The following CREBBP variants were observed in gnomAD, a reference collection of about 807,000 sequenced individuals.
CREBBP encodes the protein CREB-binding protein.
In CREBBP, 19 loss-of-function variants were observed where a neutral mutation model predicts 265.0. The observed-to-expected ratio is 0.07, with a 90% CI of 0.05 to 0.11. The LOEUF (loss-of-function observed/expected upper bound fraction) is 0.11. CREBBP is among the 10% of genes least tolerant of loss of function. CREBBP has a pLI of 1.00. For synonymous variants in CREBBP, 1,457 were observed against 1,223.7 expected, an observed-to-expected ratio of 1.19 and a Z score of -3.98; for missense variants, 2,525 against 3,219.0, an observed-to-expected ratio of 0.78 and a Z score of 5.22.
intron 2 of CREBBP, among the ~76,000 whole-genome samples, chr16:3,811,986 T>A (rs570872030): frequency 1.3e-5 from 2 of 152,212 alleles, no homozygotes; most frequent in Non-Finnish European, 2.9e-5. Context: ...GATTTTCGAC[T>A]GGCAGGGTCA....
At chr16:3,878,287 C>T (rs767585397) in intron 1 of CREBBP, among the ~76,000 whole-genome samples, 2 of 152,194 alleles carry the variant, frequency 1.3e-5, no homozygotes, top group Non-Finnish European at 2.9e-5. Flanking sequence ...TGCAGTACAA[C>T]GGCATTTAAA....
Position 3,731,375 on chromosome 16 carries a change from C to A in CREBBP, c.4989G>T (p.Gly1663=). The A allele has an allele frequency of 6.2e-7, 1 of 1,612,616 alleles. No individual in the cohort carries two copies. Among genetic ancestry groups the A allele is most frequent in the Non-Finnish European group, 8.5e-7 (1 of 1,179,468 alleles). ...DPLLSCDLMD[G]RDAFLTLARD... ...TGGCGAGGGTGAGGAAGGCGTCGCG[C>A]CCATCCATGAGGTCACAGCTGAGCA... is the stretch of plus-strand genomic sequence containing the variant. The change falls in exon 30 of 31, where the codon GGG becomes GGT. Residue 1663 remains glycine, a synonymous_variant. Transcript: ENST00000262367. The surrounding 1 kb of genome is among the most constrained non-coding windows in gnomAD (Gnocchi z 7.7).
At chr16:3,802,293 G>A (rs914730037) in intron 3 of CREBBP, among the ~76,000 whole-genome samples, 23 of 151,510 alleles carry the variant, frequency 1.5e-4, no homozygotes, top group African/African-American at 4.1e-4. Flanking sequence ...CACCACACCT[G>A]ACTAATTTTT....
In CREBBP at chr16:3,733,258, A is replaced by G. The variant is rs891457178; in HGVS notation, c.4729-1321T>C. 1.6e-3 allele frequency among the ~76,000 whole-genome samples: 238 copies of G among 150,962 alleles called. 2 individuals carry two copies. Among genetic ancestry groups the G allele is most frequent in the African/African-American group, 5.6e-3 (231 of 41,038 alleles). ...GTGCCTGCAGTCCCACCTACTCGGG[A>G]GGCTGAGGCAGGAGAATGGTGTGAA... On this transcript the variant is annotated intron_variant, in intron 28 of 30. Coordinates refer to ENST00000262367, the MANE Select transcript of CREBBP (RefSeq NM_004380.3).
chr16:3,736,626 C>T (rs1283372100), intron 27 of CREBBP, 24 bp downstream of exon 27: 1 of 1,614,244 alleles, frequency 6.2e-7, no homozygotes, highest in East Asian at 2.2e-5. Context: ...ACAAAAGCCA[C>T]CACCTTCCTT....
intron 15 of CREBBP, among the ~76,000 whole-genome samples, chr16:3,768,133 A>AGT (rs1356875998): frequency 1.5e-4 from 13 of 87,530 alleles, no homozygotes; most frequent in African/African-American, 4.5e-4. Flanking sequence ...TAAATTTAAA[A>AGT]GTGTTTTTTT....
chr16:3,861,823 C>G (rs1215943113), intron 1 of CREBBP, among the ~76,000 whole-genome samples: 1 of 151,328 alleles, frequency 6.6e-6, no homozygotes. Flanking sequence ...TAAAATCTTC[C>G]GTAATTCAGG....
chr16:3,764,330 G>A (rs139821532), intron 16 of CREBBP, among the ~76,000 whole-genome samples: 2 of 152,014 alleles, frequency 1.3e-5, no homozygotes, highest in Admixed American at 6.6e-5. Flanking sequence ...AGGCTAGAAC[G>A]CACTGGCACA....
intron 1 of CREBBP, among the ~76,000 whole-genome samples, chr16:3,852,157 G>GTTTTTTTT (rs910861282): frequency 7.9e-5 from 4 of 50,880 alleles, no homozygotes; most frequent in Admixed American, 2.6e-4. Context: ...TCTTAAATTT[G>GTTTTTTTT]TTTTTTTTTT....
intron 16 of CREBBP, among the ~76,000 whole-genome samples, chr16:3,762,764 G>A (rs192446785): frequency 2.0e-5 from 3 of 151,804 alleles, no homozygotes; most frequent in Non-Finnish European, 4.4e-5. Flanking sequence ...TCAGTTCCTC[G>A]GTCACCCTGG....
chr16:3,767,967 C>T (rs2141184547), intron 15 of CREBBP, 58 bp from the exon 16 acceptor site: 1 of 1,533,996 alleles, frequency 6.5e-7, no homozygotes. Context: ...GTTACCGCAA[C>T]CTCACGGGAA....
rs2151317226 is a variant in CREBBP at position 3,731,410 on chromosome 16, G to T, written c.4954C>A (p.Pro1652Thr). 9 of 1,606,804 alleles carry T rather than the reference G, an allele frequency of 5.6e-6. No homozygotes were observed. Among genetic ancestry groups the T allele is most frequent in the Non-Finnish European group, 7.6e-6 (9 of 1,177,180 alleles). Residue 1652 changes from proline (P) to threonine (T), a missense_variant, in exon 30 of 31, where the codon CCC becomes ACC. Physicochemically the swap from Pro to Thr is conservative, Grantham distance 38. Coordinates refer to ENST00000262367, the MANE Select transcript of CREBBP (RefSeq NM_004380.3). The surrounding 1 kb of genome is among the most constrained non-coding windows in gnomAD (Gnocchi z 7.7). ...AGGTCACAGCTGAGCAGGGGGTCGG[G>T]GTCGACGATGGGGGGCAGGGTGTTG... is the stretch of plus-strand genomic sequence containing the variant. ...VINTLPPIVD[P>T]DPLLSCDLMD... is the part of the protein sequence containing the mutation.
intron 2 of CREBBP, among the ~76,000 whole-genome samples, chr16:3,830,358 C>T (rs368101961): frequency 1.1e-4 from 17 of 151,876 alleles, no homozygotes; most frequent in African/African-American, 2.7e-4. Context: ...GCCCAGACTG[C>T]GCCACTGGAC....
At chr16:3,860,097 A>T (rs2055042780) in intron 1 of CREBBP, among the ~76,000 whole-genome samples, 2 of 152,030 alleles carry the variant, frequency 1.3e-5, no homozygotes, top group Non-Finnish European at 2.9e-5. Flanking sequence ...CGTCTGCTGC[A>T]GCACCGAGTG....
At chr16:3,762,932 G>A (rs1041823052) in intron 16 of CREBBP, among the ~76,000 whole-genome samples, 4 of 151,958 alleles carry the variant, frequency 2.6e-5, no homozygotes, top group Admixed American at 6.6e-5. Context: ...CTGTCACCAT[G>A]GCCGGCTAAT....
At chr16:3,804,072 A>T (rs1243907999) in intron 3 of CREBBP, among the ~76,000 whole-genome samples, 1 of 151,306 alleles carries the variant, frequency 6.6e-6, no homozygotes. Context: ...TGACAGTGAG[A>T]CCCCAGCTTA....
In CREBBP at chr16:3,729,070, TC is replaced by T. The variant is rs2151306941; in HGVS notation, c.5976del (p.Ser1993AlafsTer6). Reference protein sequence around the residue: ...PPGRTGMGTPGSQMAPVSLNV... With the variant: ...PPGRTGMGTPXSQMAPVSLNV... ...TTCAGGCTCACGGGGGCCATCTGGC[TC>T]CCCGGGGTCCCCATGCCCGTGCGTC... On this transcript the variant is annotated frameshift_variant, in exon 31 of 31. Coordinates refer to ENST00000262367, the MANE Select transcript of CREBBP (RefSeq NM_004380.3). LOFTEE classifies it high-confidence loss of function. The T allele has an allele frequency of 6.3e-7, 1 of 1,583,140 alleles. No homozygotes were observed.
intron 1 of CREBBP, among the ~76,000 whole-genome samples, chr16:3,865,787 C>A (rs527782528): frequency 6.6e-6 from 1 of 152,008 alleles, no homozygotes; most frequent in Admixed American, 6.6e-5. Context: ...TACAGGTGCA[C>A]GCCATCACAC....
intron 1 of CREBBP, among the ~76,000 whole-genome samples, chr16:3,862,008 A>T (rs2055086184): frequency 6.6e-6 from 1 of 152,192 alleles, no homozygotes; most frequent in Admixed American, 6.5e-5. Flanking sequence ...AGGAGAAGGA[A>T]GCGAGTCACT....
Sources: allele counts gnomAD v4.1 joint callset (sites outside exome capture counted in the v4.1 genomes callset), GRCh38; gene constraint gnomAD v4.1.1; non-coding constraint Gnocchi (gnomAD v3.1); transcripts MANE v1.5; gene names NCBI Gene and HGNC (gene_info 2026-07-23, HGNC 2026-07-21).